Variants in SECISBP2L observed in about 807,000 individuals in gnomAD.
The protein encoded by SECISBP2L is SECIS binding protein 2 like.
A neutral mutation model predicts 114.7 loss-of-function variants in SECISBP2L; 43 were observed. The observed-to-expected ratio is 0.38, with a 90% CI of 0.29 to 0.48. The LOEUF (loss-of-function observed/expected upper bound fraction) is 0.48, where lower values mean the gene tolerates loss of function less well. SECISBP2L is among the 20% of genes least tolerant of loss of function. The probability of loss-of-function intolerance (pLI) is 0.98; values close to 1 mark genes in which losing one functional copy is unlikely to be tolerated. For missense variants in SECISBP2L, 1,136 were observed against 1,301.1 expected, an observed-to-expected ratio of 0.87 and a Z score of 1.95; for synonymous variants, 451 against 439.7, an observed-to-expected ratio of 1.03 and a Z score of -0.32.
At chr15:49,041,009 C>T (rs972009617) in intron 1 of SECISBP2L, among the ~76,000 whole-genome samples, 4 of 151,742 alleles carry the variant, frequency 2.6e-5, no homozygotes, top group Middle Eastern at 3.2e-3. Flanking sequence ...CATTATAGAA[C>T]GTTATTCCTC....
At chr15:49,028,747 C>A in intron 4 of SECISBP2L, 65 bp from the exon 5 acceptor site, 3 of 1,331,748 alleles carry the variant, frequency 2.3e-6, no homozygotes. Flanking sequence ...CTCATTAAAT[C>A]ATCATTAAGA....
chr15:49,019,319 A>G, intron 8 of SECISBP2L, 99 bp downstream of exon 8: 2 of 951,982 alleles, frequency 2.1e-6, no homozygotes, highest in Non-Finnish European at 2.8e-6. Flanking sequence ...TCACATGTTA[A>G]GACATAAAAA....
chr15:49,035,486 A>G lies in SECISBP2L; in HGVS notation c.376T>C (p.Phe126Leu), dbSNP rs1902986479. The G allele has an allele frequency of 6.2e-7, 1 of 1,614,078 alleles. No homozygotes were observed. The highest frequency in any genetic ancestry group is 1.1e-5 in the South Asian group (1 of 91,092). ...AAGGTGTTGGAGTAAGGTGTAGGAA[A>G]AGGATGATAGAAACCCATAACCTGG... is the stretch of plus-strand genomic sequence containing the variant. ...CAQVMGFYHP[F>L]PTPYSNTFQA... Residue 126 changes from phenylalanine to leucine, a missense_variant, in exon 3 of 18, where the codon TTT becomes CTT. Transcript: ENST00000559471.
intron 14 of SECISBP2L, among the ~76,000 whole-genome samples, chr15:49,005,517 G>C (rs1902299731): frequency 7.2e-6 from 1 of 139,754 alleles, no homozygotes; most frequent in Admixed American, 7.2e-5. Flanking sequence ...GATCTTTGTT[G>C]GTTTAAAGTC....
At chr15:49,037,520 A>G in intron 2 of SECISBP2L, 71 bp downstream of exon 2, 1 of 1,379,042 alleles carries the variant, frequency 7.3e-7, no homozygotes, top group South Asian at 1.3e-5. Context: ...TGCAAAGGAA[A>G]AATATTAAGT....
chr15:49,023,958 A>G (rs1902691083), intron 7 of SECISBP2L, among the ~76,000 whole-genome samples: 1 of 152,196 alleles, frequency 6.6e-6, no homozygotes, highest in Non-Finnish European at 1.5e-5. Context: ...ATTGTATATA[A>G]TCTTTTTTTA....
intron 11 of SECISBP2L, 121 bp from the exon 12 acceptor site, chr15:49,012,938 T>G: frequency 2.2e-6 from 2 of 893,654 alleles, no homozygotes; most frequent in Non-Finnish European, 3.4e-6. Flanking sequence ...ATCATAACAG[T>G]AGGAGCACTA....
chr15:49,000,947 G>C lies in SECISBP2L; in HGVS notation c.2178C>G (p.Thr726=). The C allele has an allele frequency of 6.2e-7, 1 of 1,613,690 alleles. No homozygotes were observed. Among genetic ancestry groups the C allele is most frequent in the Non-Finnish European group, 8.5e-7 (1 of 1,179,838 alleles). The change falls in exon 15 of 18, where the codon ACC becomes ACG. Residue 726 remains threonine (T), a synonymous_variant. Transcript: ENST00000559471. ...TGATCTTGTTTAACTTCATATGTTT[G>C]GTAACTTCTCTTAGACCCATAACGA... ...RRLVMGLREV[T]KHMKLNKIKC... is the part of the protein sequence containing the mutation.
At chr15:48,996,725 C>A in intron 16 of SECISBP2L, 139 bp from the exon 17 acceptor site, 1 of 676,270 alleles carries the variant, frequency 1.5e-6, no homozygotes. Context: ...ATGCAAACCA[C>A]AGAACCTTAT....
Position 49,000,905 on chromosome 15 carries a change from A to C in SECISBP2L, c.2220T>G (p.Ser740=). 6.2e-7 allele frequency: 1 copy of C among 1,613,082 alleles called. No individual in the cohort carries two copies. Among genetic ancestry groups the C allele is most frequent in the South Asian group, 1.1e-5 (1 of 90,762 alleles). ...KLNKIKCVII[S]PNCEKIQSKG... Reference sequence around the variant, plus strand: ...TTGACTGGATTTTTTCACAGTTTGGAGAAATTATAACACACTTGATCTTGT... The same window carrying C: ...TTGACTGGATTTTTTCACAGTTTGGCGAAATTATAACACACTTGATCTTGT... The change falls in exon 15 of 18, where the codon TCT becomes TCG. Residue 740 remains serine (S), a synonymous_variant. Coordinates refer to ENST00000559471, the MANE Select transcript of SECISBP2L (RefSeq NM_001193489.2).
At position 49,035,591 on chromosome 15, in the gene SECISBP2L, A is replaced by C; in HGVS notation, c.271T>G (p.Phe91Val). The C allele has an allele frequency of 6.2e-7, 1 of 1,614,192 alleles. No homozygotes were observed. Among genetic ancestry groups the C allele is most frequent in the Non-Finnish European group, 8.5e-7 (1 of 1,180,038 alleles). Residue 91 changes from phenylalanine to valine, a missense_variant, in exon 3 of 18, where the codon TTT becomes GTT. Physicochemically the swap from Phe to Val is conservative, Grantham distance 50. Around this residue, in one of 2 missense-constraint regions of SECISBP2L, gnomAD observed 452 missense variants for 452.3 expected, o/e 1.00. Coordinates refer to ENST00000559471, the MANE Select transcript of SECISBP2L (RefSeq NM_001193489.2). ...TGAGCAGATATAATGGGATAGGCAAAGTATGGTCCAGTAGGGTTTGGATTG... is the reference window on the plus strand; with the variant it reads ...TGAGCAGATATAATGGGATAGGCAACGTATGGTCCAGTAGGGTTTGGATTG... ...QPNPNPTGPY[F>V]AYPIISAQPP... is the part of the protein sequence containing the mutation.
chr15:49,002,545 G>A (rs1902233359), intron 14 of SECISBP2L, among the ~76,000 whole-genome samples: 1 of 152,136 alleles, frequency 6.6e-6, no homozygotes, highest in South Asian at 2.1e-4. Context: ...GTCCTGAATG[G>A]TATTGCCTAG....
intron 7 of SECISBP2L, among the ~76,000 whole-genome samples, chr15:49,022,393 A>C (rs2141075555): frequency 6.6e-6 from 1 of 152,372 alleles, no homozygotes; most frequent in Admixed American, 6.5e-5. Context: ...TGAGGTCAGG[A>C]GTTCGAGACC....
intron 13 of SECISBP2L, 65 bp from the exon 14 acceptor site, chr15:49,009,443 A>T: frequency 6.7e-7 from 1 of 1,497,234 alleles, no homozygotes. Flanking sequence ...TTCTACGTTG[A>T]TCAATGCAAT....
chr15:49,037,436 A>C, intron 2 of SECISBP2L, 155 bp downstream of exon 2: 2 of 623,228 alleles, frequency 3.2e-6, no homozygotes, highest in Non-Finnish European at 5.4e-6. Context: ...AAACTAATCC[A>C]TATCAACAAT....
Position 49,016,986 on chromosome 15 carries a change from G to C in SECISBP2L, c.1281C>G (p.Ile427Met). The C allele has an allele frequency of 6.2e-7, 1 of 1,613,150 alleles. No individual in the cohort carries two copies. The highest frequency in any genetic ancestry group is 8.5e-7 in the Non-Finnish European group (1 of 1,179,704). ...VLDDLPENSPINIVQTPIPIT... is the reference protein window; with the variant it reads ...VLDDLPENSPMNIVQTPIPIT... ...TAGGAATTGGAGTCTGAACTATATT[G>C]ATTGGTGAGTTTTCAGGTAAATCAT... Residue 427 changes from isoleucine (I) to methionine (M), a missense_variant, in exon 10 of 18, where the codon ATC (isoleucine) becomes ATG (methionine). Ile to Met is a conservative substitution (Grantham distance 10). Transcript: ENST00000559471.
intron 2 of SECISBP2L, among the ~76,000 whole-genome samples, chr15:49,036,816 A>T (rs1903018048): frequency 6.6e-6 from 1 of 152,246 alleles, no homozygotes; most frequent in Non-Finnish European, 1.5e-5. Context: ...AATGTGCAAC[A>T]GTGGTTTATA....
chr15:49,017,495 G>T, intron 9 of SECISBP2L, 53 bp downstream of exon 9: 2 of 1,122,550 alleles, frequency 1.8e-6, no homozygotes, highest in Non-Finnish European at 2.6e-6. Context: ...CTTCAACATA[G>T]CCATTGTTCA....
chr15:49,036,498 T>C (rs1468981616), intron 2 of SECISBP2L, among the ~76,000 whole-genome samples: 3 of 152,228 alleles, frequency 2.0e-5, no homozygotes, highest in Non-Finnish European at 4.4e-5. Flanking sequence ...ACAAAGATTA[T>C]TTGGTAAACC....
Sources: gnomAD v4.1 joint callset for allele counts (sites outside exome capture counted in the v4.1 genomes callset) on GRCh38, gnomAD v4.1.1 for gene constraint, gnomAD v4.1.1 regional missense constraint, MANE v1.5 for transcripts, NCBI Gene and HGNC (gene_info 2026-07-23, HGNC 2026-07-21) for gene names.